CDK19: variants seen among roughly 807,000 people sequenced by gnomAD.
The protein encoded by CDK19 is cyclin dependent kinase 19, also known as cyclin-dependent kinase 19.
A neutral mutation model predicts 68.3 loss-of-function variants in CDK19; 20 were observed. That is an observed-to-expected ratio of 0.29 (90% CI 0.21 to 0.43). The LOEUF (loss-of-function observed/expected upper bound fraction) is 0.43, where lower values mean the gene tolerates loss of function less well. Ranked by LOEUF, CDK19 falls within the 20% of genes least tolerant of loss-of-function variation. The pLI is 1.00. For missense variants in CDK19, 339 were observed against 623.5 expected (o/e 0.54, Z 4.86); for synonymous variants, 221 against 222.8 (o/e 0.99, Z 0.07).
At chr6:110,682,661 T>A (rs1772115943) in intron 2 of CDK19, among the ~76,000 whole-genome samples, 1 of 152,134 alleles carries the variant, frequency 6.6e-6, no homozygotes, top group African/African-American at 2.4e-5. Context: ...AGGTCAATGT[T>A]CCCCTTTGCC....
intron 6 of CDK19, 93 bp downstream of exon 6, chr6:110,631,937 A>G: frequency 8.4e-7 from 1 of 1,192,658 alleles, no homozygotes; most frequent in Non-Finnish European, 1.2e-6. Context: ...AAAAATGTAT[A>G]AAATGGTTTT....
At chr6:110,795,721 T>G (rs918893748) in intron 1 of CDK19, among the ~76,000 whole-genome samples, 3 of 152,180 alleles carry the variant, frequency 2.0e-5, no homozygotes, top group African/African-American at 7.2e-5. Flanking sequence ...CAACAGCTAT[T>G]AGTATTACAC....
chr6:110,709,159 T>C (rs1210524379), intron 2 of CDK19, among the ~76,000 whole-genome samples: 1 of 152,120 alleles, frequency 6.6e-6, no homozygotes, highest in Non-Finnish European at 1.5e-5. Flanking sequence ...AACCTCAAAA[T>C]AATAGGTATT....
intron 2 of CDK19, among the ~76,000 whole-genome samples, chr6:110,721,243 A>G (rs1459227420): frequency 6.6e-6 from 1 of 152,164 alleles, no homozygotes; most frequent in Non-Finnish European, 1.5e-5. Context: ...GTCTCAAAAA[A>G]TAAAAATAGA....
intron 1 of CDK19, among the ~76,000 whole-genome samples, chr6:110,750,605 T>C (rs1778412262): frequency 6.6e-6 from 1 of 152,156 alleles, no homozygotes; most frequent in Admixed American, 6.6e-5. Flanking sequence ...TTCCTTTACA[T>C]AGAAAGAAAC....
chr6:110,616,100 A>G (rs1316554580), intron 12 of CDK19, among the ~76,000 whole-genome samples: 1 of 152,070 alleles, frequency 6.6e-6, no homozygotes, highest in Non-Finnish European at 1.5e-5. Flanking sequence ...CTGATAATAA[A>G]ACTCTGATGT....
intron 2 of CDK19, among the ~76,000 whole-genome samples, chr6:110,738,711 G>A (rs1777434493): frequency 6.6e-6 from 1 of 152,082 alleles, no homozygotes; most frequent in Admixed American, 6.6e-5. Context: ...TTTTCTCAGA[G>A]GAATCCTCAG....
intron 5 of CDK19, among the ~76,000 whole-genome samples, chr6:110,638,220 T>C (rs1779908843): frequency 6.6e-6 from 1 of 152,008 alleles, no homozygotes; most frequent in African/African-American, 2.4e-5. Flanking sequence ...GCAGGCCAGG[T>C]GTGGTGAAGT....
intron 2 of CDK19, among the ~76,000 whole-genome samples, chr6:110,690,582 G>A (rs1772899397): frequency 1.3e-5 from 2 of 152,148 alleles, no homozygotes; most frequent in African/African-American, 2.4e-5. Context: ...AGTCACCCTA[G>A]TAAATAAAAT....
rs540106732 is a variant in CDK19 at position 110,800,864 on chromosome 6, G to A, written c.128+14145C>T. ...ACATCATACTGAAAGAGCAAAAGTT[G>A]GATGCATTCCCCCAAGAACTGAAAC... On this transcript the variant is annotated intron_variant, in intron 1 of 12. Coordinates refer to ENST00000368911, the MANE Select transcript of CDK19 (RefSeq NM_015076.5). Among the ~76,000 whole-genome samples the A allele has an allele frequency of 7.9e-5, 12 of 152,088 alleles. No homozygotes were observed. The South Asian group carries it at 2.3e-3, about 29-fold the overall frequency.
At chr6:110,665,988 C>G (rs1781901091) in intron 4 of CDK19, among the ~76,000 whole-genome samples, 1 of 151,884 alleles carries the variant, frequency 6.6e-6, no homozygotes, top group Non-Finnish European at 1.5e-5. Context: ...AGTGATCCAC[C>G]CACCTCGGCC....
intron 2 of CDK19, among the ~76,000 whole-genome samples, chr6:110,731,968 T>C (rs2114800673): frequency 6.6e-6 from 1 of 152,272 alleles, no homozygotes; most frequent in Admixed American, 6.5e-5. Context: ...ATTATATTTC[T>C]AGTTGTAATA....
At chr6:110,731,069 G>T (rs997507935) in intron 2 of CDK19, among the ~76,000 whole-genome samples, 20 of 130,942 alleles carry the variant, frequency 1.5e-4, no homozygotes, top group Non-Finnish European at 2.7e-4. Flanking sequence ...AAAAAAGAAA[G>T]AAAGAAAGAG....
At chr6:110,757,675 GACA>G (rs1218314814) in intron 1 of CDK19, among the ~76,000 whole-genome samples, 1 of 152,070 alleles carries the variant, frequency 6.6e-6, no homozygotes, top group African/African-American at 2.4e-5. Flanking sequence ...GACATGTAAT[GACA>G]ACAACAAATT....
intron 1 of CDK19, among the ~76,000 whole-genome samples, chr6:110,802,898 C>CT (rs1204783287): frequency 6.6e-6 from 1 of 152,074 alleles, no homozygotes; most frequent in Non-Finnish European, 1.5e-5. Context: ...CTGATGGAAA[C>CT]TTAACAAAAA....
Position 110,744,172 on chromosome 6 carries a change from A to G in CDK19, c.204+1954T>C, listed in dbSNP as rs545504176. ...CAGGCGCATGCCACCACACCCAGCT[A>G]ATTTTTGTATTTTCAGTAGAGGTGG... On this transcript the variant is annotated intron_variant, in intron 2 of 12. Coordinates refer to ENST00000368911, the MANE Select transcript of CDK19 (RefSeq NM_015076.5). Among the ~76,000 whole-genome samples the G allele has an allele frequency of 2.0e-3, 303 of 151,852 alleles. 6 individuals carry two copies. The highest frequency in any genetic ancestry group is 0.018 in the Admixed American group (277 of 15,244).
Position 110,815,388 on chromosome 6 carries a change from T to C in CDK19, c.-252A>G, listed in dbSNP as rs1431362587. ...CGGCGGCTCCCGCAGGCACCCCCAG[T>C]CCCGCCTCCCTCCTTCATTTCCTTG... On this transcript the variant is annotated 5_prime_UTR_variant, in exon 1 of 13. Transcript: ENST00000368911. 2.3e-5 allele frequency: 8 copies of C among 344,222 alleles called. No homozygotes were observed. Among genetic ancestry groups the C allele is most frequent in the Admixed American group, 5.1e-5 (1 of 19,682 alleles). The allele number at this position is 344,222 out of a possible 1,614,324, so 21.3% of individuals were successfully genotyped here.
chr6:110,753,143 T>A (rs561366383), intron 1 of CDK19, among the ~76,000 whole-genome samples: 14 of 152,258 alleles, frequency 9.2e-5, no homozygotes, highest in Non-Finnish European at 1.5e-4. Context: ...TTGCCCAAGC[T>A]GGTCTCGAAT....
At chr6:110,710,627 T>C (rs887189971) in intron 2 of CDK19, among the ~76,000 whole-genome samples, 2 of 152,208 alleles carry the variant, frequency 1.3e-5, no homozygotes, top group African/African-American at 4.8e-5. Context: ...GGCCACTTCC[T>C]CAGAGACTGC....
Sources: allele counts gnomAD v4.1 joint callset (sites outside exome capture counted in the v4.1 genomes callset), GRCh38; gene constraint gnomAD v4.1.1; transcripts MANE v1.5; gene names NCBI Gene and HGNC (gene_info 2026-07-23, HGNC 2026-07-21).